MYO5B: variants seen among roughly 807,000 people sequenced by gnomAD.
MYO5B encodes unconventional myosin-Vb.
In MYO5B, 143 loss-of-function variants were observed where a neutral mutation model predicts 229.3. The observed-to-expected ratio is 0.62, with a 90% confidence interval of 0.54 to 0.72. The LOEUF is 0.72. MYO5B is among the 30% of genes least tolerant of loss of function. The pLI, the probability that MYO5B is intolerant of heterozygous loss-of-function variation, is 0.00. For missense variants in MYO5B, 2,321 were observed against 2,331.0 expected (o/e 1.00, Z 0.09); for synonymous variants, 918 against 885.2 (o/e 1.04, Z -0.66).
intron 4 of MYO5B, among the ~76,000 whole-genome samples, chr18:50,003,574 G>C (rs1352960475): frequency 1.3e-5 from 2 of 152,168 alleles, no homozygotes; most frequent in Admixed American, 6.5e-5. Context: ...CAAGTCCTTA[G>C]AGAACTGCTC....
intron 17 of MYO5B, among the ~76,000 whole-genome samples, chr18:49,924,794 T>A (rs980001656): frequency 6.6e-6 from 1 of 152,264 alleles, no homozygotes; most frequent in African/African-American, 2.4e-5. Context: ...CACTTCCTTG[T>A]CTGTGTCTCA....
chr18:50,124,523 G>A (rs890182634), intron 1 of MYO5B, among the ~76,000 whole-genome samples: 8 of 56,072 alleles, frequency 1.4e-4, no homozygotes, highest in South Asian at 5.2e-4. Flanking sequence ...TCAAGTGAAT[G>A]TTAAAAAGAA....
At chr18:50,121,777 C>T (rs1356093953) in intron 1 of MYO5B, among the ~76,000 whole-genome samples, 3 of 152,226 alleles carry the variant, frequency 2.0e-5, no homozygotes, top group African/African-American at 7.2e-5. Flanking sequence ...CTGCAGCTGC[C>T]ACAGCCTCTA....
intron 4 of MYO5B, among the ~76,000 whole-genome samples, chr18:50,012,925 G>T (rs886457937): frequency 6.6e-6 from 1 of 152,190 alleles, no homozygotes; most frequent in South Asian, 2.1e-4. Flanking sequence ...CAGACTGAAG[G>T]CATTCTAGCA....
At position 49,992,984 on chromosome 18, in the gene MYO5B, G is replaced by A. The variant is rs147876116; in HGVS notation, c.613-553C>T. Among the ~76,000 whole-genome samples, 261 of 152,090 alleles carry A rather than the reference G, an allele frequency of 1.7e-3. 3 individuals are homozygous for A. Among genetic ancestry groups the A allele is most frequent in the Non-Finnish European group, 4.3e-4 (29 of 67,990 alleles). On this transcript the variant is annotated intron_variant, in intron 5 of 39. Coordinates refer to ENST00000285039, the MANE Select transcript of MYO5B (RefSeq NM_001080467.3). ...ACAAATAATACCTTCCTAGCAATAC[G>A]CCACAAATTGACACTCCTTCCCACC...
intron 8 of MYO5B, among the ~76,000 whole-genome samples, chr18:49,981,737 T>C (rs897011204): frequency 2.0e-5 from 3 of 152,164 alleles, no homozygotes; most frequent in African/African-American, 7.2e-5. Context: ...GCTGCAAGTA[T>C]TTGCAGCTAT....
chr18:49,830,709 A>G (rs1196880324), intron 39 of MYO5B, among the ~76,000 whole-genome samples: 1 of 151,350 alleles, frequency 6.6e-6, no homozygotes, highest in Non-Finnish European at 1.5e-5. Flanking sequence ...TTAGCCAGGC[A>G]TGGTGGTGCA....
chr18:49,954,352 C>A lies in MYO5B; in HGVS notation c.1629G>T (p.Met543Ile). The A allele has an allele frequency of 6.2e-7, 1 of 1,614,084 alleles. No homozygotes were observed. The highest frequency in any genetic ancestry group is 8.5e-7 in the Non-Finnish European group (1 of 1,179,978). The change falls in exon 13 of 40, where the codon ATG (methionine) becomes ATT (isoleucine). Residue 543 changes from methionine to isoleucine, a missense_variant. Physicochemically the swap from Met to Ile is conservative, Grantham distance 10. This residue lies in a region of MYO5B where 2,113 missense variants were observed against 2,044.7 expected (regional missense o/e 1.03). Coordinates refer to ENST00000285039, the MANE Select transcript of MYO5B (RefSeq NM_001080467.3). ...GGACGATGATGAAGGCCGTGTTGGA[C>A]ATGCGGGGCTTCTGGAAGTGCTGGC... ...SSSQHFQKPR[M>I]SNTAFIIVHF...
chr18:50,007,968 C>T (rs971042356), intron 4 of MYO5B, among the ~76,000 whole-genome samples: 15 of 152,204 alleles, frequency 9.9e-5, no homozygotes, highest in South Asian at 2.1e-4. Context: ...ACACTGAGCC[C>T]GGATTCAAAC....
chr18:49,895,579 G>A (rs916832049), intron 21 of MYO5B, among the ~76,000 whole-genome samples: 1 of 152,164 alleles, frequency 6.6e-6, no homozygotes, highest in Non-Finnish European at 1.5e-5. Context: ...GAGCCCTCCT[G>A]CCTGTGGACT....
intron 17 of MYO5B, among the ~76,000 whole-genome samples, chr18:49,926,455 G>T (rs1480631312): frequency 1.3e-5 from 2 of 152,206 alleles, no homozygotes; most frequent in African/African-American, 4.8e-5. Flanking sequence ...TGAGCGAGTT[G>T]TTAGGACAGA....
At chr18:49,963,098 A>G in intron 10 of MYO5B, 68 bp from the exon 11 acceptor site, 1 of 1,316,130 alleles carries the variant, frequency 7.6e-7, no homozygotes, top group Non-Finnish European at 1.1e-6. Flanking sequence ...ACTTCAACAA[A>G]GCTGCTCTGA....
chr18:49,981,404 C>T (rs578092626), intron 8 of MYO5B, among the ~76,000 whole-genome samples: 223 of 152,274 alleles, frequency 1.5e-3, no homozygotes, highest in Non-Finnish European at 2.8e-3. Context: ...ACAGTAACAC[C>T]TGTAAAAATG....
chr18:49,926,572 A>C (rs1398778008), intron 17 of MYO5B, among the ~76,000 whole-genome samples: 1 of 152,198 alleles, frequency 6.6e-6, no homozygotes, highest in African/African-American at 2.4e-5. Context: ...ATTTCACAAG[A>C]GCTAGTGGGG....
intron 2 of MYO5B, among the ~76,000 whole-genome samples, chr18:50,053,064 G>A (rs1414037796): frequency 6.6e-6 from 1 of 152,220 alleles, no homozygotes; most frequent in African/African-American, 2.4e-5. Flanking sequence ...TTCAGCTTCA[G>A]AGGAGACTCT....
intron 22 of MYO5B, among the ~76,000 whole-genome samples, chr18:49,888,160 C>A (rs2024666497): frequency 6.6e-6 from 1 of 152,116 alleles, no homozygotes; most frequent in South Asian, 2.1e-4. Context: ...ACATTCTGGG[C>A]TGGACAATTC....
intron 17 of MYO5B, among the ~76,000 whole-genome samples, chr18:49,920,675 C>T (rs540852621): frequency 4.6e-5 from 7 of 152,266 alleles, no homozygotes; most frequent in Admixed American, 1.3e-4. Flanking sequence ...TTGGATGTGA[C>T]GAAGTGGCTT....
rs2032078290 is a variant in MYO5B at position 50,122,570 on chromosome 18, G to A, written c.28-67192C>T. Reference sequence around the variant, plus strand: ...TTTGTGCCACTGCACTCCAGCCTGGGGGAGAGGGAGAGAGGAAGAGAGGGG... The same window carrying A: ...TTTGTGCCACTGCACTCCAGCCTGGAGGAGAGGGAGAGAGGAAGAGAGGGG... On this transcript the variant is annotated intron_variant, in intron 1 of 39. Coordinates refer to ENST00000285039, the MANE Select transcript of MYO5B (RefSeq NM_001080467.3). 1.5e-5 allele frequency among the ~76,000 whole-genome samples: 2 copies of A among 131,054 alleles called. 1 individual carries two copies. Among genetic ancestry groups the A allele is most frequent in the South Asian group, 5.8e-4 (2 of 3,444 alleles). 86.0% of individuals were successfully genotyped at this position (131,054 alleles called of 152,430 possible). A position where few individuals can be genotyped will look rare whatever the true frequency, so the allele number is the denominator to read the frequency against.
intron 4 of MYO5B, among the ~76,000 whole-genome samples, chr18:50,028,521 G>C (rs955489944): frequency 6.6e-6 from 1 of 151,998 alleles, no homozygotes; most frequent in Non-Finnish European, 1.5e-5. Context: ...AGAGTGGGGG[G>C]CAAGGACAGA....
Sources: allele counts gnomAD v4.1 joint callset (sites outside exome capture counted in the v4.1 genomes callset), GRCh38; gene constraint gnomAD v4.1.1; regional missense constraint gnomAD v4.1.1; transcripts MANE v1.5; gene names NCBI Gene and HGNC (gene_info 2026-07-23, HGNC 2026-07-21).